BCL11B: variants seen among roughly 807,000 people sequenced by gnomAD.
The protein encoded by BCL11B is B-cell lymphoma/leukemia 11B.
BCL11B carries 8 observed loss-of-function variants against 49.9 expected under a neutral mutation model. The observed-to-expected ratio is 0.16, with a 90% confidence interval of 0.09 to 0.29. The LOEUF is 0.29. Among genes scored for constraint, BCL11B ranks in the 10% least tolerant of loss-of-function variants. BCL11B has a pLI of 1.00. For synonymous variants in BCL11B, 739 were observed against 637.4 expected (o/e 1.16, Z -2.40); for missense variants, 1,006 against 1,351.0 (o/e 0.74, Z 4.00).
Position 99,205,642 on chromosome 14 carries a change from C to G in BCL11B, c.640+25703G>C, listed in dbSNP as rs560895293. ...ACAGGACATTTGAAGCATCCGCCCC[C>G]CTACCCCCCAGCTTTGTGGAATGAG... On this transcript the variant is annotated intron_variant, in intron 3 of 3. Transcript: ENST00000357195. This position sits in a 1 kb window ranked among gnomAD's most constrained non-coding sequence, Gnocchi z 5.0. Among the ~76,000 whole-genome samples, 17 of 152,246 alleles carry G rather than the reference C, an allele frequency of 1.1e-4. 1 individual carries two copies. The highest frequency in any genetic ancestry group is 4.1e-4 in the African/African-American group (17 of 41,538).
Position 99,232,826 on chromosome 14 carries a change from GC to G in BCL11B, c.428-1270del, listed in dbSNP as rs2139894970. On this transcript the variant is annotated intron_variant, in intron 2 of 3. Transcript: ENST00000357195. This position sits in a 1 kb window ranked among gnomAD's most constrained non-coding sequence, Gnocchi z 5.1. ...CCAGAACCAGGGCTCTTTCTCTGTA[GC>G]CCTGGTTTCTCTAAAACATGGGTTA... 6.6e-6 allele frequency among the ~76,000 whole-genome samples: 1 copy of G among 152,296 alleles called. No individual in the cohort carries two copies. Among genetic ancestry groups the G allele is most frequent in the Admixed American group, 6.5e-5 (1 of 15,300 alleles).
chr14:99,214,848 G>A (rs903501812), intron 3 of BCL11B, among the ~76,000 whole-genome samples: 1 of 152,014 alleles, frequency 6.6e-6, no homozygotes, highest in Non-Finnish European at 1.5e-5. Context: ...AAGCAGGGGA[G>A]GGGTCACAGG....
rs114821518 is a variant in BCL11B at position 99,253,858 on chromosome 14, A to G, written c.427+3613T>C. On this transcript the variant is annotated intron_variant, in intron 2 of 3. Coordinates refer to ENST00000357195, the MANE Select transcript of BCL11B (RefSeq NM_138576.4). ...GAACCTTAAGAAACATAAAGAATGT[A>G]AACCTATAGGCAGCGATGTATCAGA... Among the ~76,000 whole-genome samples the G allele has an allele frequency of 1.0e-2, 1,519 of 152,332 alleles. 21 individuals are homozygous for G. The highest frequency in any genetic ancestry group is 0.034 in the African/African-American group (1,432 of 41,564).
At chr14:99,251,744 C>A (rs1889012902) in intron 2 of BCL11B, among the ~76,000 whole-genome samples, 1 of 152,114 alleles carries the variant, frequency 6.6e-6, no homozygotes, top group Admixed American at 6.6e-5. Context: ...TGGCTGTATC[C>A]ACAGGGTCAT....
At chr14:99,209,885 A>G (rs1297003351) in intron 3 of BCL11B, among the ~76,000 whole-genome samples, 4 of 152,090 alleles carry the variant, frequency 2.6e-5, no homozygotes, top group African/African-American at 7.2e-5. Flanking sequence ...GGCAGCCACT[A>G]TCTCCACAGC....
chr14:99,243,277 A>G (rs1888722551), intron 2 of BCL11B, among the ~76,000 whole-genome samples: 1 of 152,060 alleles, frequency 6.6e-6, no homozygotes, highest in Admixed American at 6.5e-5. Flanking sequence ...ACTAAATTGA[A>G]AAACCAAGTG....
At chr14:99,255,434 A>C (rs1889133158) in intron 2 of BCL11B, among the ~76,000 whole-genome samples, 2 of 129,340 alleles carry the variant, frequency 1.5e-5, no homozygotes, top group South Asian at 4.7e-4. Context: ...AAAAAAAAAA[A>C]ACAGGGGGGC....
Position 99,173,793 on chromosome 14 carries a change from C to T in BCL11B, c.*358G>A, listed in dbSNP as rs1466073060. ...CATTGCTTGCGAGTCATTGCTCAGG[C>T]TACTACCGGGTTAAAAAAAAAACAA... On this transcript the variant is annotated 3_prime_UTR_variant, in exon 4 of 4. Coordinates refer to ENST00000357195, the MANE Select transcript of BCL11B (RefSeq NM_138576.4). 1 of 320,768 alleles carries T rather than the reference C, an allele frequency of 3.1e-6. No individual in the cohort carries two copies. Among genetic ancestry groups the T allele is most frequent in the East Asian group, 5.3e-5 (1 of 19,038 alleles). 19.9% of individuals were successfully genotyped at this position (320,768 alleles called of 1,614,324 possible).
Position 99,170,407 on chromosome 14 carries a change from T to TA in BCL11B, c.*3743dup, listed in dbSNP as rs1410250527. On this transcript the variant is annotated 3_prime_UTR_variant, in exon 4 of 4. Coordinates refer to ENST00000357195, the MANE Select transcript of BCL11B (RefSeq NM_138576.4). ...TAATGGTTTCTTACATTTCCTGAAA[T>TA]AAAAAATGGCTTCCTGATATTGGTA... The TA allele has an allele frequency of 2.2e-5, 5 of 224,598 alleles. No individual in the cohort carries two copies. Among genetic ancestry groups the TA allele is most frequent in the Non-Finnish European group, 4.4e-5 (5 of 112,602 alleles). The allele number at this position is 224,598 out of a possible 1,614,324, so 13.9% of individuals were successfully genotyped here. A position where few individuals can be genotyped will look rare whatever the true frequency, so the allele number is the denominator to read the frequency against.
intron 3 of BCL11B, 138 bp from the exon 4 acceptor site, chr14:99,176,333 G>T: frequency 1.2e-6 from 1 of 806,596 alleles, no homozygotes; most frequent in East Asian, 3.1e-5. Context: ...AGGGGCTGCA[G>T]GGCCGCTTGC....
intron 1 of BCL11B, among the ~76,000 whole-genome samples, chr14:99,270,777 C>T (rs1313053979): frequency 1.4e-5 from 2 of 148,044 alleles, no homozygotes; most frequent in Admixed American, 6.7e-5. Flanking sequence ...TCCCCCAGCC[C>T]CCTCCCCCTC....
At chr14:99,258,262 G>A (rs551465187) in intron 1 of BCL11B, among the ~76,000 whole-genome samples, 2 of 152,286 alleles carry the variant, frequency 1.3e-5, no homozygotes, top group Non-Finnish European at 2.9e-5. Context: ...ATCCCAAGGC[G>A]CAGGCAGCAC....
Position 99,231,384 on chromosome 14 carries a change from G to C in BCL11B, c.601C>G (p.Gln201Glu). The C allele has an allele frequency of 6.2e-7, 1 of 1,606,114 alleles. No individual in the cohort carries two copies. Among genetic ancestry groups the C allele is most frequent in the Non-Finnish European group, 8.5e-7 (1 of 1,176,526 alleles). ...TGGCATCCAAAGGGAGCCTCCGTCT[G>C]ACCCTCACCCTGAGTCCCGTCACCC... is the stretch of plus-strand genomic sequence containing the variant. ...VSGDGTQGEGQTEAPFGCQCQ... is the reference protein window; with the variant it reads ...VSGDGTQGEGETEAPFGCQCQ... The change falls in exon 3 of 4, where the codon CAG becomes GAG. Residue 201 changes from glutamine to glutamate, a missense_variant. Transcript: ENST00000357195. The surrounding 1 kb of genome is among the most constrained non-coding windows in gnomAD (Gnocchi z 8.1).
intron 1 of BCL11B, among the ~76,000 whole-genome samples, chr14:99,265,150 A>G (rs1307459077): frequency 6.6e-6 from 1 of 152,208 alleles, no homozygotes; most frequent in Non-Finnish European, 1.5e-5. Context: ...GCTGGATGAC[A>G]CAGACATTCA....
rs1004679347 is a variant in BCL11B, at chr14:99,184,404, C to G, written c.641-8209G>C. On this transcript the variant is annotated intron_variant, in intron 3 of 3. Transcript: ENST00000357195. The surrounding 1 kb of genome is among the most constrained non-coding windows in gnomAD (Gnocchi z 6.1). ...GACCTTGGTGTGTTCAGCATGGCTA[C>G]AGCCTGCACGTGCCAATGTTGGCCT... 1.3e-5 allele frequency among the ~76,000 whole-genome samples: 2 copies of G among 152,236 alleles called. No individual in the cohort carries two copies. The highest frequency in any genetic ancestry group is 2.9e-5 in the Non-Finnish European group (2 of 68,042).
Position 99,199,673 on chromosome 14 carries a change from TGTGTGTGTGTGC to T in BCL11B, c.641-23490_641-23479del, listed in dbSNP as rs1268139121. Reference sequence around the variant, plus strand: ...GTGTGTGTGTGTGTGTGTGTGTGTGTGTGTGTGTGTGCGCGCGCGCGCGCACGTGCACGTGTG... The same window carrying T: ...GTGTGTGTGTGTGTGTGTGTGTGTGTGCGCGCGCGCGCACGTGCACGTGTG... On this transcript the variant is annotated intron_variant, in intron 3 of 3. Coordinates refer to ENST00000357195, the MANE Select transcript of BCL11B (RefSeq NM_138576.4). 1.6e-3 allele frequency among the ~76,000 whole-genome samples: 139 copies of T among 84,440 alleles called. 1 individual carries two copies. Among genetic ancestry groups the T allele is most frequent in the African/African-American group, 5.4e-3 (116 of 21,482 alleles). The allele number at this position is 84,440 out of a possible 152,430, so 55.4% of individuals were successfully genotyped here.
In BCL11B at chr14:99,204,302, C is replaced by T. The variant is rs536692727; in HGVS notation, c.640+27043G>A. 2.0e-4 allele frequency among the ~76,000 whole-genome samples: 31 copies of T among 152,276 alleles called. No homozygotes were observed. In the South Asian group the frequency reaches 5.8e-3, roughly 29 times the overall value. ...CAGGGGGTCTGGAATGAAGGCCTCT[C>T]TCTCCCTGGGGTTAGTGCAGAGAGG... On this transcript the variant is annotated intron_variant, in intron 3 of 3. Coordinates refer to ENST00000357195, the MANE Select transcript of BCL11B (RefSeq NM_138576.4).
At chr14:99,222,891 CTT>C (rs1396712207) in intron 3 of BCL11B, among the ~76,000 whole-genome samples, 1 of 151,018 alleles carries the variant, frequency 6.6e-6, no homozygotes, top group African/African-American at 2.4e-5. Flanking sequence ...TCCTTTCTTT[CTT>C]TCTCTTTCTC....
intron 1 of BCL11B, among the ~76,000 whole-genome samples, chr14:99,268,619 C>G (rs1889555529): frequency 6.6e-6 from 1 of 152,030 alleles, no homozygotes; most frequent in Non-Finnish European, 1.5e-5. Context: ...TCCTGCCTTT[C>G]CCCTGCTTGC....
Sources: gnomAD v4.1 joint callset for allele counts (sites outside exome capture counted in the v4.1 genomes callset) on GRCh38, gnomAD v4.1.1 for gene constraint, Gnocchi (gnomAD v3.1) non-coding constraint, MANE v1.5 for transcripts, NCBI Gene and HGNC (gene_info 2026-07-23, HGNC 2026-07-21) for gene names.